C10orf67: variants seen among roughly 807,000 people sequenced by gnomAD.
C10orf67 encodes the protein uncharacterized protein C10orf67, mitochondrial.
A neutral mutation model predicts 35.6 loss-of-function variants in C10orf67; 60 were observed. That is an observed-to-expected ratio of 1.68 (90% CI 1.37 to 2.09). The LOEUF (loss-of-function observed/expected upper bound fraction) is 2.09, where lower values mean the gene tolerates loss of function less well. C10orf67 is among the 30% of genes most tolerant of loss of function. The pLI is 0.00. For synonymous variants in C10orf67, 167 were observed against 115.8 expected (o/e 1.44, Z -2.84); for missense variants, 474 against 330.2 (o/e 1.44, Z -3.38).
chr10:23,298,859 C>T (rs772944822), intron 5 of C10orf67, among the ~76,000 whole-genome samples: 23 of 152,112 alleles, frequency 1.5e-4, no homozygotes, highest in Non-Finnish European at 2.4e-4. Context: ...ATCCATGTAC[C>T]GAAGGACAAC....
In C10orf67 at chr10:23,252,481, T is replaced by C. The variant is rs542216210; in HGVS notation, c.1201-1790A>G. 1.8e-4 allele frequency among the ~76,000 whole-genome samples: 28 copies of C among 152,316 alleles called. No individual in the cohort carries two copies. In the South Asian group the frequency reaches 5.4e-3, roughly 29 times the overall value. On this transcript the variant is annotated intron_variant, in intron 10 of 15. Coordinates refer to ENST00000636213, the MANE Select transcript of C10orf67 (RefSeq NM_001371909.1). ...TTTCTTGTTCTCTTTGTTCACTCCG[T>C]AAATATTTGCTGAATGCTTATGATA...
chr10:23,232,813 T>C (rs544312203), intron 13 of C10orf67, among the ~76,000 whole-genome samples: 1 of 152,216 alleles, frequency 6.6e-6, no homozygotes, highest in African/African-American at 2.4e-5. Flanking sequence ...CACAATAGTG[T>C]TTCTGAAAAA....
In C10orf67 at chr10:23,249,604, G is replaced by T. The variant is rs117299195; in HGVS notation, c.1346+851C>A. On this transcript the variant is annotated intron_variant, in intron 12 of 15. Transcript: ENST00000636213. Reference sequence around the variant, plus strand: ...GCACTTAGGATGAATTATTTCCATAGAATATACATAGCCAGGTATAGAATT... The same window carrying T: ...GCACTTAGGATGAATTATTTCCATATAATATACATAGCCAGGTATAGAATT... Among the ~76,000 whole-genome samples, 1,049 of 152,300 alleles carry T rather than the reference G, an allele frequency of 6.9e-3. 19 individuals are homozygous for T. Among genetic ancestry groups the T allele is most frequent in the East Asian group, 0.05 (258 of 5,188 alleles).
intron 8 of C10orf67, among the ~76,000 whole-genome samples, chr10:23,279,183 G>A (rs768872147): frequency 5.9e-5 from 9 of 152,212 alleles, no homozygotes; most frequent in Non-Finnish European, 1.0e-4. Flanking sequence ...CTGACCAGTG[G>A]GCAGAGACTC....
intron 13 of C10orf67, among the ~76,000 whole-genome samples, chr10:23,238,382 A>G (rs1268181297): frequency 6.6e-6 from 1 of 152,210 alleles, no homozygotes; most frequent in Admixed American, 6.5e-5. Flanking sequence ...GTGTGGACGT[A>G]TAGATGAAGA....
At chr10:23,293,681 C>A (rs1843790101) in intron 5 of C10orf67, among the ~76,000 whole-genome samples, 2 of 152,204 alleles carry the variant, frequency 1.3e-5, no homozygotes, top group South Asian at 2.1e-4. Flanking sequence ...AGAAACTTAC[C>A]AATCTCAAGT....
At chr10:23,228,061 C>T (rs1233057729) in intron 13 of C10orf67, among the ~76,000 whole-genome samples, 6 of 152,104 alleles carry the variant, frequency 3.9e-5, no homozygotes, top group Non-Finnish European at 8.8e-5. Context: ...CTACCAATGA[C>T]TTTTTTTCAC....
intron 1 of C10orf67, among the ~76,000 whole-genome samples, chr10:23,340,804 G>T (rs536957737): frequency 6.6e-6 from 1 of 152,178 alleles, no homozygotes; most frequent in African/African-American, 2.4e-5. Flanking sequence ...ATAATAAGTT[G>T]GTGGTTATGC....
At chr10:23,214,095 T>C (rs1161119038) in intron 15 of C10orf67, among the ~76,000 whole-genome samples, 2 of 150,760 alleles carry the variant, frequency 1.3e-5, no homozygotes, top group Non-Finnish European at 1.5e-5. Flanking sequence ...ATTACCAGGG[T>C]TAAAGAGGCC....
At chr10:23,342,382 A>G (rs1265350362) in intron 1 of C10orf67, among the ~76,000 whole-genome samples, 1 of 152,008 alleles carries the variant, frequency 6.6e-6, no homozygotes, top group African/African-American at 2.4e-5. Flanking sequence ...AAACTCCACA[A>G]AGGCCGGGCT....
intron 10 of C10orf67, among the ~76,000 whole-genome samples, chr10:23,262,204 G>A (rs1842767323): frequency 6.6e-6 from 1 of 152,188 alleles, no homozygotes; most frequent in Non-Finnish European, 1.5e-5. Flanking sequence ...CAGATGCTCA[G>A]CCTTCCGGGG....
chr10:23,329,071 T>C (rs986828238), intron 2 of C10orf67, among the ~76,000 whole-genome samples: 40 of 137,186 alleles, frequency 2.9e-4, no homozygotes, highest in African/African-American at 1.1e-3. Flanking sequence ...GAATAAGGAA[T>C]AATAAATATA....
intron 4 of C10orf67, among the ~76,000 whole-genome samples, chr10:23,313,911 C>T (rs186092111): frequency 2.4e-4 from 37 of 152,060 alleles, no homozygotes; most frequent in African/African-American, 7.7e-4. Flanking sequence ...ACTGGGCAGA[C>T]GATGGACTTA....
intron 4 of C10orf67, among the ~76,000 whole-genome samples, chr10:23,304,466 G>A (rs1844200167): frequency 6.6e-6 from 1 of 152,074 alleles, no homozygotes; most frequent in African/African-American, 2.4e-5. Flanking sequence ...GCCCATCAAT[G>A]CCTCTGGAGG....
chr10:23,297,767 C>T (rs961287506), intron 5 of C10orf67, among the ~76,000 whole-genome samples: 12 of 152,190 alleles, frequency 7.9e-5, no homozygotes, highest in African/African-American at 1.7e-4. Flanking sequence ...TGCACAAGTG[C>T]GCAGTCGCAG....
At chr10:23,255,986 A>G (rs756113436) in intron 10 of C10orf67, among the ~76,000 whole-genome samples, 1 of 152,062 alleles carries the variant, frequency 6.6e-6, no homozygotes, top group Non-Finnish European at 1.5e-5. Context: ...AATTTTGTAT[A>G]ATAAGTATGT....
intron 7 of C10orf67, among the ~76,000 whole-genome samples, chr10:23,285,774 A>G (rs1412682583): frequency 2.0e-5 from 3 of 152,364 alleles, no homozygotes; most frequent in Non-Finnish European, 4.4e-5. Context: ...CAAGAACTGA[A>G]ATGAGTTTTT....
intron 13 of C10orf67, among the ~76,000 whole-genome samples, chr10:23,237,058 T>G (rs1307555905): frequency 1.3e-5 from 2 of 152,100 alleles, no homozygotes; most frequent in African/African-American, 2.4e-5. Context: ...CACCCTCAAG[T>G]AGGCCCCCAT....
chr10:23,284,377 C>T (rs1843465881), intron 7 of C10orf67, among the ~76,000 whole-genome samples: 1 of 152,014 alleles, frequency 6.6e-6, no homozygotes, highest in Non-Finnish European at 1.5e-5. Context: ...TCCACTCTTG[C>T]CTGCCTGGAA....
Sources: gnomAD v4.1 joint callset for allele counts (sites outside exome capture counted in the v4.1 genomes callset) on GRCh38, gnomAD v4.1.1 for gene constraint, MANE v1.5 for transcripts, NCBI Gene and HGNC (gene_info 2026-07-23, HGNC 2026-07-21) for gene names.